AR: variants seen among roughly 807,000 people sequenced by gnomAD.
AR encodes the protein androgen receptor.
A neutral mutation model predicts 53.9 loss-of-function variants in AR; 8 were observed. The ratio of observed to expected loss-of-function variants is 0.15; its 90% confidence interval spans 0.09 to 0.27. AR has a LOEUF of 0.27. Among genes scored for constraint, AR ranks in the 10% least tolerant of loss-of-function variants. AR has a pLI of 1.00. For synonymous variants in AR, 359 were observed against 316.4 expected (o/e 1.13, Z -1.43); for missense variants, 639 against 742.5 (o/e 0.86, Z 1.62).
intron 1 of AR, among the ~76,000 whole-genome samples, chrX:67,603,547 G>GAACATC (rs1923479273): frequency 8.9e-6 from 1 of 111,800 alleles, no homozygotes; most frequent in African/African-American, 3.2e-5. Flanking sequence ...AGATAACCTT[G>GAACATC]AACATCATCA....
chrX:67,600,251 T>G (rs1923290301), intron 1 of AR, among the ~76,000 whole-genome samples: 1 of 111,214 alleles, frequency 9.0e-6, no homozygotes, highest in Admixed American at 9.6e-5. Context: ...TTACTTTTAT[T>G]ATTTATAAAA....
At chrX:67,611,939 A>G (rs954339520) in intron 1 of AR, among the ~76,000 whole-genome samples, 1 of 111,508 alleles carries the variant, frequency 9.0e-6, no homozygotes, top group African/African-American at 3.3e-5. Context: ...TAAAATACAT[A>G]CTTAAGCAAC....
chrX:67,554,419 G>T (rs751466164), intron 1 of AR, among the ~76,000 whole-genome samples: 1 of 111,559 alleles, frequency 9.0e-6, no homozygotes, highest in Admixed American at 9.5e-5. Flanking sequence ...TATAATTTAA[G>T]CTTCTTTTTA....
chrX:67,644,447 C>G (rs971960814), intron 2 of AR, among the ~76,000 whole-genome samples: 5 of 111,922 alleles, frequency 4.5e-5, no homozygotes, highest in African/African-American at 1.6e-4. Context: ...CACTTCAGAA[C>G]CAGAACAGAG....
intron 4 of AR, among the ~76,000 whole-genome samples, chrX:67,714,864 T>C (rs1397527602): frequency 2.7e-5 from 3 of 111,843 alleles, no homozygotes; most frequent in Admixed American, 9.5e-5. Context: ...TCAGGTATTA[T>C]AATCAGATTA....
chrX:67,569,167 G>A, intron 1 of AR: 1 of 326,721 alleles, frequency 3.1e-6, no homozygotes, highest in Non-Finnish European at 4.9e-6. Flanking sequence ...TTAGCATGTT[G>A]ACTAATTTGG....
At chrX:67,584,286 A>G (rs1412929633) in intron 1 of AR, among the ~76,000 whole-genome samples, 1 of 112,027 alleles carries the variant, frequency 8.9e-6, no homozygotes, top group Non-Finnish European at 1.9e-5. Flanking sequence ...TAAAGGATGG[A>G]GTTCGATTTC....
chrX:67,641,852 C>T (rs1322360329), intron 1 of AR, among the ~76,000 whole-genome samples: 8 of 82,982 alleles, frequency 9.6e-5, no homozygotes, highest in African/African-American at 2.6e-4. Flanking sequence ...GGGAGGATAA[C>T]CTTTCATGTT....
intron 3 of AR, among the ~76,000 whole-genome samples, chrX:67,708,378 T>G (rs2076078156): frequency 8.9e-6 from 1 of 111,805 alleles, no homozygotes; most frequent in South Asian, 3.8e-4. Flanking sequence ...CTCTTCTCGC[T>G]TCATTTCATT....
chrX:67,624,220 C>A (rs907516769), intron 1 of AR, among the ~76,000 whole-genome samples: 1 of 111,625 alleles, frequency 9.0e-6, no homozygotes, highest in South Asian at 3.8e-4. Flanking sequence ...GATGGTGTGA[C>A]ACAGAGCAAA....
chrX:67,685,587 C>T (rs1288738165), intron 2 of AR, among the ~76,000 whole-genome samples: 1 of 111,622 alleles, frequency 9.0e-6, no homozygotes, highest in African/African-American at 3.3e-5. Context: ...GAGTGTAATT[C>T]TATGCATGAT....
Position 67,693,336 on chromosome X carries a change from G to C in AR, c.1885+7210G>C, listed in dbSNP as rs757726896. On this transcript the variant is annotated intron_variant, in intron 3 of 7. Transcript: ENST00000374690. Reference sequence around the variant, plus strand: ...CCATAGGCAATATTTTCCAAAGGTAGTAGGCAGAAAACTGAGTACACAGCA... The same window carrying C: ...CCATAGGCAATATTTTCCAAAGGTACTAGGCAGAAAACTGAGTACACAGCA... Among the ~76,000 whole-genome samples, 26 of 112,148 alleles carry C rather than the reference G, an allele frequency of 2.3e-4. No individual in the cohort carries two copies. In the South Asian group the frequency reaches 9.7e-3, roughly 42 times the overall value.
chrX:67,628,226 G>A (rs1924812582), intron 1 of AR, among the ~76,000 whole-genome samples: 1 of 108,664 alleles, frequency 9.2e-6, no homozygotes, highest in Non-Finnish European at 1.9e-5. Flanking sequence ...ATTACCTTGG[G>A]CAGTATGGCC....
intron 2 of AR, among the ~76,000 whole-genome samples, chrX:67,672,211 A>G (rs1481919272): frequency 1.8e-5 from 2 of 111,661 alleles, no homozygotes; most frequent in Non-Finnish European, 3.8e-5. Flanking sequence ...ATGAGAAAAT[A>G]CAGTATTTGG....
At chrX:67,723,540 C>CACACACA (rs2076146060) in intron 7 of AR, 146 bp from the exon 8 acceptor site, 21 of 618,597 alleles carry the variant, frequency 3.4e-5, no homozygotes, top group South Asian at 4.9e-5. Context: ...CACACACACA[C>CACACACA]GACCTCATGG....
chrX:67,546,295 C>A lies in AR; in HGVS notation c.1149C>A (p.Pro383=), dbSNP rs758022551. 1.7e-6 allele frequency: 2 copies of A among 1,203,173 alleles called. No individual in the cohort carries two copies. Among genetic ancestry groups the A allele is most frequent in the Middle Eastern group, 2.3e-4 (1 of 4,334 alleles). ...GPPPPPPPPH[P]HARIKLENPL... ...CGCCCCCTCCGCCGCCTCCCCATCC[C>A]CACGCTCGCATCAAGCTGGAGAACC... The change falls in exon 1 of 8, where the codon CCC becomes CCA. Residue 383 remains proline (P), a synonymous_variant. Transcript: ENST00000374690.
rs770125074 is a variant in AR at position 67,583,330 on chromosome X, A to C, written c.1616+36568A>C. On this transcript the variant is annotated intron_variant, in intron 1 of 7. Transcript: ENST00000374690. ...TATTCTGATTTATGTAAAAATTCCC[A>C]AACTCCTCAAGCAGTGTTTCTTTGT... is the stretch of plus-strand genomic sequence containing the variant. Among the ~76,000 whole-genome samples the C allele has an allele frequency of 2.7e-5, 3 of 112,110 alleles. No homozygotes were observed. The Admixed American group carries it at 2.8e-4, about 11-fold the overall frequency.
At chrX:67,626,628 A>T (rs1390918582) in intron 1 of AR, among the ~76,000 whole-genome samples, 4 of 99,458 alleles carry the variant, frequency 4.0e-5, no homozygotes, top group Admixed American at 1.1e-4. Context: ...ATATATATAT[A>T]TATATATTTA....
chrX:67,630,801 T>C (rs1602207969), intron 1 of AR, among the ~76,000 whole-genome samples: 1 of 111,122 alleles, frequency 9.0e-6, no homozygotes, highest in Middle Eastern at 4.6e-3. Flanking sequence ...CCATGTTTAG[T>C]GCTTCCTTCA....
Sources: gnomAD v4.1 joint callset for allele counts (sites outside exome capture counted in the v4.1 genomes callset) on GRCh38, gnomAD v4.1.1 for gene constraint, MANE v1.5 for transcripts, NCBI Gene and HGNC (gene_info 2026-07-23, HGNC 2026-07-21) for gene names.